MED24: variants seen among roughly 807,000 people sequenced by gnomAD.
MED24 encodes the protein mediator of RNA polymerase II transcription subunit 24.
In MED24, 74 loss-of-function variants were observed where a neutral mutation model predicts 118.8. The observed-to-expected ratio is 0.62, with a 90% CI of 0.52 to 0.76. MED24 has a LOEUF of 0.76. MED24 is among the 30% of genes least tolerant of loss of function. The pLI is 0.00. For synonymous variants in MED24, 521 were observed against 523.9 expected, an observed-to-expected ratio of 0.99 and a Z score of 0.08; for missense variants, 1,041 against 1,278.9, an observed-to-expected ratio of 0.81 and a Z score of 2.84.
intron 3 of MED24, among the ~76,000 whole-genome samples, chr17:40,050,674 C>T (rs1012607369): frequency 1.3e-5 from 2 of 152,038 alleles, no homozygotes; most frequent in African/African-American, 4.8e-5. Context: ...AGCTACACAA[C>T]GTGTGCACAT....
At chr17:40,027,486 T>C in intron 15 of MED24, 21 bp from the exon 16 acceptor site, 1 of 1,600,914 alleles carries the variant, frequency 6.2e-7, no homozygotes, top group South Asian at 1.1e-5. Context: ...ACGGGAAGGC[T>C]GAGCTCCCAG....
Position 40,033,949 on chromosome 17 carries a change from C to T in MED24, c.560-493G>A, listed in dbSNP as rs1408802320. Among the ~76,000 whole-genome samples the T allele has an allele frequency of 6.6e-6, 1 of 152,072 alleles. No homozygotes were observed. Among genetic ancestry groups the T allele is most frequent in the African/African-American group, 2.4e-5 (1 of 41,414 alleles). On this transcript the variant is annotated intron_variant, in intron 6 of 25. Transcript: ENST00000394128. This position sits in a 1 kb window ranked among gnomAD's most constrained non-coding sequence, Gnocchi z 5.2. ...GCCCTCCCCTGCTGAAGGCCTCTTA[C>T]ACACTCTCTCTCAAACTCCCACCAT... is the stretch of plus-strand genomic sequence containing the variant.
intron 3 of MED24, among the ~76,000 whole-genome samples, chr17:40,039,855 C>T (rs1984358899): frequency 6.7e-6 from 1 of 149,880 alleles, no homozygotes; most frequent in African/African-American, 2.5e-5. Context: ...GAGATCTCAG[C>T]TCACTGCAAG....
intron 20 of MED24, 52 bp from the exon 21 acceptor site, chr17:40,022,878 G>T (rs755327962): frequency 6.3e-7 from 1 of 1,587,800 alleles, no homozygotes; most frequent in Non-Finnish European, 8.6e-7. Context: ...GGGATCTGGG[G>T]CTCCTACACC....
rs909207669 is a variant in MED24 at position 40,019,811 on chromosome 17, C to T, written c.2827G>A (p.Val943Ile). ...DCLEQGGRGS[V>I]LQFMPFTTVS... ...GTGGTGAAGGGCATGAACTGCAGGACGCTGCCACGGCCACCCTGCTCCAGG... is the reference window on the plus strand; with the variant it reads ...GTGGTGAAGGGCATGAACTGCAGGATGCTGCCACGGCCACCCTGCTCCAGG... Residue 943 changes from valine (V) to isoleucine (I), a missense_variant, in exon 25 of 26, where the codon GTC becomes ATC. By Grantham distance (29) the Val-to-Ile change is conservative (BLOSUM62 3). This residue lies in a region of MED24 where 587 missense variants were observed against 694.4 expected (regional missense o/e 0.85). Transcript: ENST00000394128. The T allele has an allele frequency of 3.1e-5, 50 of 1,607,718 alleles. No individual in the cohort carries two copies. The highest frequency in any genetic ancestry group is 3.3e-4 in the Middle Eastern group (2 of 6,054).
At chr17:40,021,873 A>T (rs986759354) in intron 23 of MED24, 82 bp downstream of exon 23, 4 of 1,036,832 alleles carry the variant, frequency 3.9e-6, no homozygotes, top group Non-Finnish European at 5.7e-6. Flanking sequence ...AGATGCCTGC[A>T]GCTGGGGCAG....
At chr17:40,027,967 C>A in intron 14 of MED24, 21 bp from the exon 15 acceptor site, 1 of 1,613,530 alleles carries the variant, frequency 6.2e-7, no homozygotes, top group Non-Finnish European at 8.5e-7. Flanking sequence ...TGGAGACAGG[C>A]TGCATTGACC....
intron 16 of MED24, 36 bp downstream of exon 16, chr17:40,027,347 C>T (rs776814080): frequency 1.9e-6 from 3 of 1,594,030 alleles, no homozygotes; most frequent in East Asian, 4.5e-5. Flanking sequence ...TACCTCCTTC[C>T]CTTGAGCCCC....
chr17:40,040,602 T>G (rs1398806717), intron 3 of MED24, among the ~76,000 whole-genome samples: 1 of 146,374 alleles, frequency 6.8e-6, no homozygotes, highest in Non-Finnish European at 1.5e-5. Flanking sequence ...CATATAAAAG[T>G]TTTTTTTTTT....
intron 1 of MED24, chr17:40,054,077 G>A: frequency 4.5e-6 from 1 of 221,876 alleles, no homozygotes; most frequent in South Asian, 6.7e-5. Context: ...TTGTTGGGGT[G>A]AGCCGAGATC....
chr17:40,037,550 A>T (rs1246067079), intron 3 of MED24, among the ~76,000 whole-genome samples: 2 of 152,202 alleles, frequency 1.3e-5, no homozygotes, highest in Non-Finnish European at 2.9e-5. Context: ...AGTAGCTTCC[A>T]AAGCTGCCCT....
chr17:40,053,804 C>T (rs8070452), intron 1 of MED24, 169 bp from the exon 2 acceptor site: 3 of 863,104 alleles, frequency 3.5e-6, no homozygotes, highest in Non-Finnish European at 3.5e-6. Context: ...CAGACTCTCT[C>T]CTCCTGAACC....
At chr17:40,045,705 G>A (rs555029138) in intron 3 of MED24, among the ~76,000 whole-genome samples, 1 of 152,186 alleles carries the variant, frequency 6.6e-6, no homozygotes, top group Non-Finnish European at 1.5e-5. Context: ...GAGCCAAGGA[G>A]GTCAAAGCTG....
rs1986134041 is a variant in MED24, at chr17:40,054,405, T to G, written c.-82A>C. 6.6e-6 allele frequency: 1 copy of G among 152,382 alleles called. No individual in the cohort carries two copies. Among genetic ancestry groups the G allele is most frequent in the African/African-American group, 2.4e-5 (1 of 41,458 alleles). The allele number at this position is 152,382 out of a possible 1,614,324, so 9.4% of individuals were successfully genotyped here. A position where few individuals can be genotyped will look rare whatever the true frequency, so the allele number is the denominator to read the frequency against. On this transcript the variant is annotated 5_prime_UTR_variant, in exon 1 of 26. Coordinates refer to ENST00000394128, the MANE Select transcript of MED24 (RefSeq NM_014815.4). ...TGGTAGGCATCGCCATTTTGGCACT[T>G]GTCAAGAAGCTCACTTTCTATTGGC...
chr17:40,043,813 C>G (rs1984813928), intron 3 of MED24, among the ~76,000 whole-genome samples: 1 of 149,614 alleles, frequency 6.7e-6, no homozygotes, highest in Non-Finnish European at 1.5e-5. Context: ...ATGGCATGAA[C>G]CCGGGAGGTG....
rs754165222 is a variant in MED24, at chr17:40,036,103, T to C, written c.252+13A>G. 8 of 1,608,914 alleles carry C rather than the reference T, an allele frequency of 5.0e-6. No homozygotes were observed. Among genetic ancestry groups the C allele is most frequent in the Admixed American group, 1.7e-5 (1 of 60,000 alleles). On this transcript the variant is annotated intron_variant, in intron 4 of 25. Coordinates refer to ENST00000394128, the MANE Select transcript of MED24 (RefSeq NM_014815.4). ...TCATCCCCAATCTAGCTCCTGAGTG[T>C]CTATGGTCATACCTTACTGATGGCT...
At chr17:40,025,734 G>A (rs1598337244) in intron 19 of MED24, among the ~76,000 whole-genome samples, 1 of 152,270 alleles carries the variant, frequency 6.6e-6, no homozygotes, top group South Asian at 2.1e-4. Flanking sequence ...TGAACTCAAC[G>A]TAACTGGTCA....
rs775648304 is a variant in MED24 at position 40,026,133 on chromosome 17, AGAAGG to A, written c.1985+18_1985+22del. Reference sequence around the variant, plus strand: ...TCTCACAACACACTTGAAGGGTCTGAGAAGGGAAGGCAGGTTACCGACCTCTCATT... The same window carrying A: ...TCTCACAACACACTTGAAGGGTCTGAGAAGGCAGGTTACCGACCTCTCATT... On this transcript the variant is annotated intron_variant, in intron 19 of 25. Coordinates refer to ENST00000394128, the MANE Select transcript of MED24 (RefSeq NM_014815.4). 4.4e-6 allele frequency: 7 copies of A among 1,604,028 alleles called. No homozygotes were observed. In the Admixed American group the frequency reaches 8.4e-5, roughly 19 times the overall value.
In MED24 at chr17:40,033,577, C is replaced by T; in HGVS notation, c.560-121G>A. On this transcript the variant is annotated intron_variant, in intron 6 of 25. Transcript: ENST00000394128. This position sits in a 1 kb window ranked among gnomAD's most constrained non-coding sequence, Gnocchi z 5.2. The stretch of plus-strand genomic sequence containing the variant: ...ACGAAACCACACAGGAAGGCTTCCC[C>T]TGAGGACAACAGGGAGGGAGGGGCC... 1 of 803,052 alleles carries T rather than the reference C, an allele frequency of 1.2e-6. No individual in the cohort carries two copies. The allele number at this position is 803,052 out of a possible 1,614,324, so 49.7% of individuals were successfully genotyped here.
Sources: gnomAD v4.1 joint callset for allele counts (sites outside exome capture counted in the v4.1 genomes callset) on GRCh38, gnomAD v4.1.1 for gene constraint, gnomAD v4.1.1 regional missense constraint, Gnocchi (gnomAD v3.1) non-coding constraint, MANE v1.5 for transcripts, NCBI Gene and HGNC (gene_info 2026-07-23, HGNC 2026-07-21) for gene names.